PRSS38: variants seen among roughly 807,000 people sequenced by gnomAD.
The protein encoded by PRSS38 is marapsin 2.
PRSS38 carries 22 observed loss-of-function variants against 26.8 expected under a neutral mutation model. That is an observed-to-expected ratio of 0.82 (90% confidence interval 0.59 to 1.17). The LOEUF is 1.17. Among genes scored for constraint, PRSS38 ranks in the 50% most tolerant of loss-of-function variants. The probability of loss-of-function intolerance (pLI) is 0.00; values close to 1 mark genes in which losing one functional copy is unlikely to be tolerated. For missense variants in PRSS38, 427 were observed against 422.7 expected, an observed-to-expected ratio of 1.01 and a Z score of -0.09; for synonymous variants, 175 against 172.1, an observed-to-expected ratio of 1.02 and a Z score of -0.13.
rs746719606 is a variant in PRSS38 at position 227,816,082 on chromosome 1, C to G, written c.149-8C>G. The G allele has an allele frequency of 6.2e-7, 1 of 1,610,290 alleles. No homozygotes were observed. The highest frequency in any genetic ancestry group is 2.2e-5 in the East Asian group (1 of 44,776). On this transcript the variant is annotated splice_polypyrimidine_tract_variant and splice_region_variant and intron_variant, in intron 1 of 4. Coordinates refer to ENST00000366757, the Ensembl canonical transcript of PRSS38. This position sits in a 1 kb window ranked among gnomAD's most constrained non-coding sequence, Gnocchi z 5.1. ...ATGGCTCCACCGTCAGCTCCGTTCT[C>G]CCTGCAGCCTGTGGTCGGCCCAGCA...
Position 227,832,570 on chromosome 1 carries a change from C to T in PRSS38, c.584-12900C>T, listed in dbSNP as rs888429274. Among the ~76,000 whole-genome samples the T allele has an allele frequency of 4.6e-5, 7 of 152,094 alleles. No homozygotes were observed. The East Asian group carries it at 5.8e-4, about 13-fold the overall frequency. Reference sequence around the variant, plus strand: ...GTGAAATATAACAATGGTTAAATACCGAAAGCCTTCCCTCCAAGATCAGGA... The same window carrying T: ...GTGAAATATAACAATGGTTAAATACTGAAAGCCTTCCCTCCAAGATCAGGA... On this transcript the variant is annotated intron_variant, in intron 3 of 4. Transcript: ENST00000366757.
At chr1:227,831,801 A>C (rs1674484756) in intron 3 of PRSS38, among the ~76,000 whole-genome samples, 1 of 152,176 alleles carries the variant, frequency 6.6e-6, no homozygotes, top group South Asian at 2.1e-4. Context: ...GCAGTGAGCC[A>C]AGATTACACC....
At chr1:227,835,806 G>A (rs1340303964) in intron 3 of PRSS38, among the ~76,000 whole-genome samples, 1 of 152,158 alleles carries the variant, frequency 6.6e-6, no homozygotes, top group Non-Finnish European at 1.5e-5. Flanking sequence ...CAGGGTCTGG[G>A]GTGACTTTTG....
intron 3 of PRSS38, among the ~76,000 whole-genome samples, chr1:227,825,437 G>A (rs955070340): frequency 8.5e-5 from 13 of 152,140 alleles, no homozygotes; most frequent in Non-Finnish European, 1.5e-4. Context: ...TGATCTGCCC[G>A]CCTCAGCCTC....
chr1:227,825,758 A>T (rs1288889126), intron 3 of PRSS38, among the ~76,000 whole-genome samples: 2 of 152,148 alleles, frequency 1.3e-5, no homozygotes, highest in African/African-American at 2.4e-5. Context: ...TTGTACCAGT[A>T]CCATGCTGTT....
chr1:227,840,410 T>C (rs1470388575), intron 3 of PRSS38, among the ~76,000 whole-genome samples: 1 of 152,062 alleles, frequency 6.6e-6, no homozygotes, highest in East Asian at 1.9e-4. Flanking sequence ...GGTGAGCCAG[T>C]GTACCCAGCC....
At chr1:227,834,581 A>G (rs1394827759) in intron 3 of PRSS38, among the ~76,000 whole-genome samples, 1 of 152,054 alleles carries the variant, frequency 6.6e-6, no homozygotes, top group Non-Finnish European at 1.5e-5. Context: ...AGGCAGGAGG[A>G]TCGTTTGAAC....
Position 227,846,027 on chromosome 1 carries a change from G to A in PRSS38, c.800G>A (p.Arg267Gln), listed in dbSNP as rs182204642. The A allele has an allele frequency of 8.4e-5, 136 of 1,614,190 alleles. 1 individual carries two copies. The highest frequency in any genetic ancestry group is 8.8e-5 in the South Asian group (8 of 91,086). ...CAGATTGGAATTGTGAGCTGGGGCC[G>A]AGGCTGCTCCAACCCTCTGTACCCT... is the stretch of plus-strand genomic sequence containing the variant. The change falls in exon 5 of 5, where the codon CGA becomes CAA. Residue 267 changes from arginine to glutamine, a missense_variant. Coordinates refer to ENST00000366757, the Ensembl canonical transcript of PRSS38.
intron 3 of PRSS38, 98 bp from the exon 4 acceptor site, chr1:227,845,372 C>T: frequency 1.2e-6 from 1 of 811,992 alleles, no homozygotes; most frequent in Non-Finnish European, 2.0e-6. Flanking sequence ...TGGGGCTCCT[C>T]TCCATGGGCT....
chr1:227,837,334 T>C (rs1665252539), intron 3 of PRSS38, among the ~76,000 whole-genome samples: 1 of 152,264 alleles, frequency 6.6e-6, no homozygotes, highest in Non-Finnish European at 1.5e-5. Flanking sequence ...ACTTCGTTAA[T>C]GAAATCACAC....
intron 3 of PRSS38, among the ~76,000 whole-genome samples, chr1:227,833,452 A>C (rs1394149415): frequency 6.6e-6 from 1 of 152,046 alleles, no homozygotes; most frequent in Non-Finnish European, 1.5e-5. Flanking sequence ...ACTTGAACCA[A>C]GGAGGCAGAG....
At chr1:227,845,968 C>T (rs751372252) in exon 5 of PRSS38, 7 of 1,614,156 alleles carry the variant, frequency 4.3e-6, no homozygotes, top group Non-Finnish European at 5.9e-6. Flanking sequence ...ACTCCGGGGG[C>T]CCACTTGTCT....
chr1:227,823,190 T>A (rs930029800), intron 3 of PRSS38, among the ~76,000 whole-genome samples: 14 of 152,154 alleles, frequency 9.2e-5, no homozygotes, highest in Admixed American at 8.5e-4. Context: ...GAAGCATTAT[T>A]TGACTTTCTG....
intron 3 of PRSS38, among the ~76,000 whole-genome samples, chr1:227,836,755 T>G (rs1665243089): frequency 6.6e-6 from 1 of 152,222 alleles, no homozygotes; most frequent in Non-Finnish European, 1.5e-5. Context: ...ATCTTTCATG[T>G]GAGAATGCCT....
chr1:227,839,080 G>A (rs138078407), intron 3 of PRSS38, among the ~76,000 whole-genome samples: 50 of 152,284 alleles, frequency 3.3e-4, no homozygotes, highest in African/African-American at 1.1e-3. Flanking sequence ...AGCCAAAAAT[G>A]TTTTGCATTT....
intron 3 of PRSS38, among the ~76,000 whole-genome samples, chr1:227,818,938 G>T (rs146221584): frequency 1.7e-3 from 260 of 152,202 alleles, no homozygotes; most frequent in African/African-American, 6.0e-3. Flanking sequence ...TCTCTGTTAT[G>T]GCTACTGGTT....
At chr1:227,842,658 G>A (rs1298429358) in intron 3 of PRSS38, among the ~76,000 whole-genome samples, 5 of 151,530 alleles carry the variant, frequency 3.3e-5, no homozygotes, top group Non-Finnish European at 7.4e-5. Context: ...CTGGCTCACC[G>A]CAACCTCCGC....
intron 3 of PRSS38, among the ~76,000 whole-genome samples, chr1:227,843,394 AAC>A (rs1665366926): frequency 6.6e-6 from 1 of 152,172 alleles, no homozygotes; most frequent in South Asian, 2.1e-4. Context: ...AACACACATA[AAC>A]ACACAAAAAC....
intron 3 of PRSS38, among the ~76,000 whole-genome samples, chr1:227,831,844 T>C (rs1222568839): frequency 6.6e-6 from 1 of 151,930 alleles, no homozygotes; most frequent in Admixed American, 6.6e-5. Context: ...AGAGCGAGAC[T>C]CCATCTCAAA....
Sources: allele counts gnomAD v4.1 joint callset (sites outside exome capture counted in the v4.1 genomes callset), GRCh38; gene constraint gnomAD v4.1.1; non-coding constraint Gnocchi (gnomAD v3.1); transcripts MANE v1.5; gene names NCBI Gene and HGNC (gene_info 2026-07-23, HGNC 2026-07-21).